The following TNRC6A variants were observed in gnomAD, a reference collection of about 807,000 sequenced individuals.
TNRC6A encodes the protein trinucleotide repeat containing adaptor 6A, also known as trinucleotide repeat-containing gene 6A protein.
In TNRC6A, 44 loss-of-function variants were observed where a neutral mutation model predicts 221.2. That is an observed-to-expected ratio of 0.20 (90% CI 0.16 to 0.26). The LOEUF is 0.26. TNRC6A is among the 10% of genes least tolerant of loss of function. The pLI is 1.00. For missense variants in TNRC6A, 2,199 were observed against 2,404.4 expected (o/e 0.91, Z 1.79); for synonymous variants, 847 against 838.5 (o/e 1.01, Z -0.18).
chr16:24,702,176 TTTTTTC>T (rs2055997118), intron 2 of TNRC6A, among the ~76,000 whole-genome samples: 3 of 80,794 alleles, frequency 3.7e-5, no homozygotes, highest in Non-Finnish European at 6.3e-5. Context: ...TTCTTTTTTC[TTTTTTC>T]TTTTTTTTTT....
intron 4 of TNRC6A, among the ~76,000 whole-genome samples, chr16:24,771,581 G>GTTGTT (rs1174073772): frequency 1.4e-4 from 8 of 58,006 alleles, no homozygotes; most frequent in Middle Eastern, 0.015. Context: ...GTTATGTTAT[G>GTTGTT]TTGTTATGTT....
At position 24,823,638 on chromosome 16, in the gene TNRC6A, G is replaced by C. The variant is rs779944300; in HGVS notation, c.5720G>C (p.Gly1907Ala). The change falls in exon 25 of 25, where the codon GGA becomes GCA. Residue 1907 changes from glycine to alanine, a missense_variant. Around this residue, in one of 8 missense-constraint regions of TNRC6A, gnomAD observed 130 missense variants for 121.7 expected, o/e 1.07. Transcript: ENST00000395799. This position sits in a 1 kb window ranked among gnomAD's most constrained non-coding sequence, Gnocchi z 4.3. ...CACTGGAATGGTGCTGGGCTGTCGGGAACTAACTGTGGAGACCTTCACGGC... is the reference window on the plus strand; with the variant it reads ...CACTGGAATGGTGCTGGGCTGTCGGCAACTAACTGTGGAGACCTTCACGGC... ...LNHWNGAGLS[G>A]TNCGDLHGTS... 1 of 1,613,730 alleles carries C rather than the reference G, an allele frequency of 6.2e-7. No homozygotes were observed. Among genetic ancestry groups the C allele is most frequent in the Non-Finnish European group, 8.5e-7 (1 of 1,179,800 alleles).
chr16:24,717,770 C>CTTTTTTTTTTT (rs71383705), intron 2 of TNRC6A, among the ~76,000 whole-genome samples: 1 of 107,366 alleles, frequency 9.3e-6, no homozygotes, highest in African/African-American at 3.5e-5. Flanking sequence ...TTTTTTTTTT[C>CTTTTTTTTTTT]TTTTTTTTTT....
chr16:24,670,802 C>T (rs1426554406), intron 2 of TNRC6A: 2 of 178,158 alleles, frequency 1.1e-5, no homozygotes, highest in Non-Finnish European at 1.3e-5. Context: ...TTCTCCCAGA[C>T]AGCTTGGGTC....
At chr16:24,661,441 G>T (rs1340335077) in intron 2 of TNRC6A, 1 of 144,962 alleles carries the variant, frequency 6.9e-6, no homozygotes, top group Non-Finnish European at 1.5e-5. Flanking sequence ...TGGAGACAGA[G>T]TCTCACTCTG....
chr16:24,814,565 C>T (rs911905349), intron 18 of TNRC6A, among the ~76,000 whole-genome samples: 1 of 151,726 alleles, frequency 6.6e-6, no homozygotes, highest in African/African-American at 2.4e-5. Context: ...CAGGTGCGTG[C>T]CACCATGCCC....
At chr16:24,747,840 C>T (rs1218970158) in intron 2 of TNRC6A, among the ~76,000 whole-genome samples, 1 of 152,042 alleles carries the variant, frequency 6.6e-6, no homozygotes, top group Admixed American at 6.6e-5. Context: ...AAAACACTTG[C>T]TAGTAACCTC....
chr16:24,729,946 C>CAGCA, intron 1 of TNRC6A, 100 bp downstream of exon 1: 10 of 1,058,438 alleles, frequency 9.4e-6, no homozygotes, highest in Non-Finnish European at 1.1e-5. Flanking sequence ...CGGCGCCGGG[C>CAGCA]GTCCCCGAGA....
intron 1 of TNRC6A, among the ~76,000 whole-genome samples, chr16:24,634,284 G>A (rs1333133757): frequency 6.6e-6 from 1 of 151,996 alleles, no homozygotes; most frequent in African/African-American, 2.4e-5. Flanking sequence ...AAAACAGATA[G>A]CCAGGCATGG....
At chr16:24,705,532 A>T (rs1436794192) in intron 2 of TNRC6A, among the ~76,000 whole-genome samples, 1 of 152,134 alleles carries the variant, frequency 6.6e-6, no homozygotes, top group Non-Finnish European at 1.5e-5. Context: ...GCGTTTCGCC[A>T]TGTTGGCCAG....
In TNRC6A at chr16:24,777,009, C is replaced by T; in HGVS notation, c.240C>T (p.Ser80=). The T allele has an allele frequency of 6.2e-7, 1 of 1,614,074 alleles. No homozygotes were observed. Among genetic ancestry groups the T allele is most frequent in the South Asian group, 1.1e-5 (1 of 91,074 alleles). The change falls in exon 5 of 25, where the codon AGC becomes AGT. Residue 80 remains serine (S), a synonymous_variant. Coordinates refer to ENST00000395799, the MANE Select transcript of TNRC6A (RefSeq NM_014494.4). ...ATAACGGCACTTCCACAGCAACCAG[C>T]ACTAATAATAATGCCAAGCGAGCTA... The part of the protein sequence containing the change: ...NSNNGTSTAT[S]TNNNAKRATA...
chr16:24,681,267 G>A (rs1186283077), intron 2 of TNRC6A, among the ~76,000 whole-genome samples: 2 of 151,940 alleles, frequency 1.3e-5, no homozygotes, highest in African/African-American at 4.8e-5. Context: ...TTGCTTTGTT[G>A]CCCAGGCTGG....
Position 24,674,694 on chromosome 16 carries a change from C to CCACACA in TNRC6A, n.402+33724_402+33729dup, listed in dbSNP as rs3219528. ...TTATTCTCTTACAACACTGCCCCCA[C>CCACACA]CACACACACACACACACACACACAC... On this transcript the variant is annotated intron_variant and non_coding_transcript_variant, in intron 2 of 2. Transcript: ENST00000566108. 6.9e-3 allele frequency among the ~76,000 whole-genome samples: 1,011 copies of CCACACA among 146,262 alleles called. 3 individuals carry two copies. Among genetic ancestry groups the CCACACA allele is most frequent in the Non-Finnish European group, 0.011 (694 of 66,074 alleles).
chr16:24,610,522 C>T (rs1332864362), intron 1 of TNRC6A: 2 of 152,274 alleles, frequency 1.3e-5, no homozygotes, highest in Non-Finnish European at 2.9e-5. Context: ...ATCTGCGAAG[C>T]TTTCCTCAAC....
intron 21 of TNRC6A, 123 bp from the exon 22 acceptor site, chr16:24,820,016 G>A: frequency 2.3e-6 from 2 of 867,464 alleles, no homozygotes; most frequent in African/African-American, 1.7e-5. Context: ...AGTTGATTTG[G>A]GGTTTTAAAG....
chr16:24,769,697 T>G (rs530696951), intron 4 of TNRC6A, among the ~76,000 whole-genome samples: 1 of 152,180 alleles, frequency 6.6e-6, no homozygotes, highest in African/African-American at 2.4e-5. Context: ...TTAAAACTAT[T>G]GATGCATTCA....
chr16:24,748,839 T>C (rs1390926744), intron 2 of TNRC6A, among the ~76,000 whole-genome samples: 1 of 152,162 alleles, frequency 6.6e-6, no homozygotes, highest in Non-Finnish European at 1.5e-5. Flanking sequence ...GCTTCCAAAA[T>C]GTCTAGTTCA....
intron 4 of TNRC6A, among the ~76,000 whole-genome samples, chr16:24,771,057 T>C (rs2057579674): frequency 6.6e-6 from 1 of 152,262 alleles, no homozygotes; most frequent in Non-Finnish European, 1.5e-5. Flanking sequence ...ACCTACCTTC[T>C]GTTAAGCCAG....
intron 2 of TNRC6A, among the ~76,000 whole-genome samples, chr16:24,721,781 G>A (rs905136786): frequency 2.0e-5 from 3 of 152,178 alleles, no homozygotes; most frequent in Non-Finnish European, 4.4e-5. Context: ...TAAACAAACT[G>A]TGGTATATCC....
Sources: allele counts gnomAD v4.1 joint callset (sites outside exome capture counted in the v4.1 genomes callset), GRCh38; gene constraint gnomAD v4.1.1; regional missense constraint gnomAD v4.1.1; non-coding constraint Gnocchi (gnomAD v3.1); transcripts MANE v1.5; gene names NCBI Gene and HGNC (gene_info 2026-07-23, HGNC 2026-07-21).